Variants in NTNG2 observed in about 807,000 individuals in gnomAD.
NTNG2 encodes netrin-G2.
NTNG2 carries 15 observed loss-of-function variants against 47.6 expected under a neutral mutation model. The observed-to-expected ratio is 0.32, with a 90% CI of 0.21 to 0.49. The LOEUF is 0.49. NTNG2 is among the 20% of genes least tolerant of loss of function. The probability of loss-of-function intolerance (pLI) is 0.99; values close to 1 mark genes in which losing one functional copy is unlikely to be tolerated. For missense variants in NTNG2, 578 were observed against 764.6 expected (o/e 0.76, Z 2.88); for synonymous variants, 307 against 324.6 (o/e 0.95, Z 0.58).
chr9:132,241,955 C>G lies in NTNG2; in HGVS notation c.1437C>G (p.Arg479=), dbSNP rs1353427955. The G allele has an allele frequency of 2.6e-6, 4 of 1,548,956 alleles. No homozygotes were observed. The East Asian group carries it at 7.7e-5, about 30-fold the overall frequency. The change falls in exon 8 of 8, where the codon CGC becomes CGG. Residue 479 remains arginine, a synonymous_variant. Transcript: ENST00000393229. ...AGAACCAGCGCTGCGCCTGCCCGCG[C>G]GGCTACACCGGCGTGCGCTGCGAGC... ...CLQNQRCACP[R]GYTGVRCEQP... is the part of the protein sequence containing the mutation.
Position 132,162,571 on chromosome 9 carries a change from T to A in NTNG2, c.-484+332T>A, listed in dbSNP as rs1424752339. Among the ~76,000 whole-genome samples the A allele has an allele frequency of 1.1e-3, 46 of 43,772 alleles. No homozygotes were observed. In the East Asian group the frequency reaches 0.031, roughly 29 times the overall value. The allele number at this position is 43,772 out of a possible 152,430, so 28.7% of individuals were successfully genotyped here. ...GTGTGTGTGTGAGAGAGAGACAGAG[T>A]GTGTGTGTGTGTGTGTGTGTGTGTG... On this transcript the variant is annotated intron_variant, in intron 1 of 7. Coordinates refer to ENST00000393229, the MANE Select transcript of NTNG2 (RefSeq NM_032536.4). This position sits in a 1 kb window ranked among gnomAD's most constrained non-coding sequence, Gnocchi z 4.6.
Position 132,198,472 on chromosome 9 carries a change from C to G in NTNG2, c.720C>G (p.Ala240=). The G allele has an allele frequency of 6.2e-7, 1 of 1,610,438 alleles. No homozygotes were observed. Reference sequence around the variant, plus strand: ...ACCTCTACACGCGGCTGGAGAGCGCCAAGGGCCTCAAGGAGTTCTTCACCC... The same window carrying G: ...ACCTCTACACGCGGCTGGAGAGCGCGAAGGGCCTCAAGGAGTTCTTCACCC... The part of the protein sequence containing the change: ...MDNLYTRLES[A]KGLKEFFTLT... Residue 240 remains alanine, a synonymous_variant, in exon 3 of 8, where the codon GCC becomes GCG. Coordinates refer to ENST00000393229, the MANE Select transcript of NTNG2 (RefSeq NM_032536.4).
Position 132,163,349 on chromosome 9 carries a change from A to G in NTNG2, c.-484+1110A>G, listed in dbSNP as rs1835229406. 6.6e-6 allele frequency among the ~76,000 whole-genome samples: 1 copy of G among 150,420 alleles called. No homozygotes were observed. Among genetic ancestry groups the G allele is most frequent in the Admixed American group, 6.6e-5 (1 of 15,196 alleles). ...TGCTCGCGCCCCGCCTCCCGCGCCC[A>G]ACTTTCCAGGGCTCCCGCGGGCGGG... is the stretch of plus-strand genomic sequence containing the variant. On this transcript the variant is annotated intron_variant, in intron 1 of 7. Coordinates refer to ENST00000393229, the MANE Select transcript of NTNG2 (RefSeq NM_032536.4). This position sits in a 1 kb window ranked among gnomAD's most constrained non-coding sequence, Gnocchi z 7.2.
rs1449180415 is a variant in NTNG2 at position 132,242,419 on chromosome 9, C to T, written c.*308C>T. The T allele has an allele frequency of 6.7e-6, 1 of 149,988 alleles. No homozygotes were observed. The highest frequency in any genetic ancestry group is 2.5e-5 in the African/African-American group (1 of 39,880). The allele number at this position is 149,988 out of a possible 1,614,324, so 9.3% of individuals were successfully genotyped here. On this transcript the variant is annotated 3_prime_UTR_variant, in exon 8 of 8. Transcript: ENST00000393229. This position sits in a 1 kb window ranked among gnomAD's most constrained non-coding sequence, Gnocchi z 5.9. ...TTTTTTTTTTTTTCTGGCGGTGAGC[C>T]AGAGGGTCGGGAGAAACGCTGCTCG... is the stretch of plus-strand genomic sequence containing the variant.
rs565403545 is a variant in NTNG2 at position 132,226,270 on chromosome 9, TTGAA to T, written c.858-572_858-569del. ...AGAATAATGAGTCGCCTATAAATAT[TTGAA>T]TGAATGGATGAATAATACACCTGTG... On this transcript the variant is annotated intron_variant, in intron 3 of 7. Coordinates refer to ENST00000393229, the MANE Select transcript of NTNG2 (RefSeq NM_032536.4). The surrounding 1 kb of genome is among the most constrained non-coding windows in gnomAD (Gnocchi z 4.8). 2.5e-4 allele frequency among the ~76,000 whole-genome samples: 38 copies of T among 152,358 alleles called. 1 individual carries two copies. The South Asian group carries it at 5.0e-3, about 20-fold the overall frequency.
At chr9:132,165,744 GTC>G in intron 1 of NTNG2, among the ~76,000 whole-genome samples, 1 of 152,302 alleles carries the variant, frequency 6.6e-6, no homozygotes, top group East Asian at 1.9e-4. Flanking sequence ...GCTTTTGAAA[GTC>G]TCTGACCCCC....
At chr9:132,204,693 C>G (rs962168372) in intron 3 of NTNG2, among the ~76,000 whole-genome samples, 8 of 152,160 alleles carry the variant, frequency 5.3e-5, no homozygotes, top group Admixed American at 4.6e-4. Context: ...ATCCCGAGTC[C>G]TTTATGTGCA....
At chr9:132,240,858 G>A in intron 6 of NTNG2, 52 bp from the exon 7 acceptor site, 3 of 1,611,224 alleles carry the variant, frequency 1.9e-6, no homozygotes, top group Non-Finnish European at 2.5e-6. Flanking sequence ...GGTCCGAGAA[G>A]ACGGCGCCCA....
intron 2 of NTNG2, among the ~76,000 whole-genome samples, chr9:132,192,339 C>T (rs1238367784): frequency 6.6e-6 from 1 of 152,204 alleles, no homozygotes; most frequent in African/African-American, 2.4e-5. Context: ...GCCTGTAATC[C>T]CAGCACTTTG....
Position 132,163,578 on chromosome 9 carries a change from C to G in NTNG2, c.-484+1339C>G, listed in dbSNP as rs902761476. ...TCCCCTGAAAGCAGATTTCACCCCC[C>G]TCTGCCGCCCCTGCCGAGGAGGGAG... On this transcript the variant is annotated intron_variant, in intron 1 of 7. Transcript: ENST00000393229. The surrounding 1 kb of genome is among the most constrained non-coding windows in gnomAD (Gnocchi z 7.2). 2.6e-5 allele frequency among the ~76,000 whole-genome samples: 4 copies of G among 152,176 alleles called. No individual in the cohort carries two copies. Among genetic ancestry groups the G allele is most frequent in the Non-Finnish European group, 5.9e-5 (4 of 67,980 alleles).
chr9:132,234,779 G>A (rs1841500161), intron 5 of NTNG2, among the ~76,000 whole-genome samples: 2 of 152,238 alleles, frequency 1.3e-5, no homozygotes, highest in Non-Finnish European at 2.9e-5. Context: ...GCCAATTTGG[G>A]CCTGGCGGCC....
rs958455801 is a variant in NTNG2, at chr9:132,240,665, A to G, written c.1223-245A>G. 4 of 591,474 alleles carry G rather than the reference A, an allele frequency of 6.8e-6. No individual in the cohort carries two copies. In the Admixed American group the frequency reaches 1.2e-4, roughly 18 times the overall value. The allele number at this position is 591,474 out of a possible 1,614,324, so 36.6% of individuals were successfully genotyped here. A position where few individuals can be genotyped will look rare whatever the true frequency, so the allele number is the denominator to read the frequency against. On this transcript the variant is annotated intron_variant, in intron 6 of 7. Coordinates refer to ENST00000393229, the MANE Select transcript of NTNG2 (RefSeq NM_032536.4). ...GGCTGACCCAGGCCACACCAGTGCC[A>G]GGGCGGGGAAGGTGGGGCTGGGACG... is the stretch of plus-strand genomic sequence containing the variant.
rs370100179 is a variant in NTNG2, at chr9:132,224,715, C to G, written c.858-2134C>G. Among the ~76,000 whole-genome samples the G allele has an allele frequency of 4.6e-5, 7 of 152,296 alleles. No individual in the cohort carries two copies. The East Asian group carries it at 1.3e-3, about 29-fold the overall frequency. ...TGACAATATATCTTGGAAATCTTCC[C>G]ATATCAGAATATAGAGCACACTCTG... On this transcript the variant is annotated intron_variant, in intron 3 of 7. Coordinates refer to ENST00000393229, the MANE Select transcript of NTNG2 (RefSeq NM_032536.4).
rs56128215 is a variant in NTNG2 at position 132,166,965 on chromosome 9, G to A, written c.134G>A (p.Arg45His). The A allele has an allele frequency of 7.2e-3, 11,694 of 1,614,232 alleles. 72 individuals are homozygous for A. The highest frequency in any genetic ancestry group is 8.1e-3 in the Non-Finnish European group (9,536 of 1,180,032). ...TACGCCTGCCAGCCCAAGGTGATGC[G>A]CCTGAAGGACTACGTCAAGGTGAAG... is the stretch of plus-strand genomic sequence containing the variant. The part of the protein sequence containing the change: ...EFYACQPKVM[R>H]LKDYVKVKVE... Residue 45 changes from arginine (R) to histidine (H), a missense_variant, in exon 2 of 8, where the codon CGC (arginine) becomes CAC (histidine). By Grantham distance (29) the Arg-to-His change is conservative (BLOSUM62 0). Transcript: ENST00000393229.
At chr9:132,191,184 C>G in intron 2 of NTNG2, among the ~76,000 whole-genome samples, 1 of 152,158 alleles carries the variant, frequency 6.6e-6, no homozygotes, top group Non-Finnish European at 1.5e-5. Context: ...GTGAATGTTA[C>G]AATCATCACA....
rs1416909723 is a variant in NTNG2 at position 132,226,799 on chromosome 9, A to G, written c.858-50A>G. On this transcript the variant is annotated intron_variant, in intron 3 of 7. Coordinates refer to ENST00000393229, the MANE Select transcript of NTNG2 (RefSeq NM_032536.4). This position sits in a 1 kb window ranked among gnomAD's most constrained non-coding sequence, Gnocchi z 4.8. ...CGCTCCTTTCCCCAGAGGCCAGGCC[A>G]GGCTGCCCACAAGCTCTCTGACATC... is the stretch of plus-strand genomic sequence containing the variant. 2 of 1,484,598 alleles carry G rather than the reference A, an allele frequency of 1.3e-6. No individual in the cohort carries two copies. The highest frequency in any genetic ancestry group is 2.5e-5 in the East Asian group (1 of 39,700). The allele number at this position is 1,484,598 out of a possible 1,614,324, so 92.0% of individuals were successfully genotyped here.
chr9:132,199,534 G>A (rs941825419), intron 3 of NTNG2, among the ~76,000 whole-genome samples: 4 of 152,188 alleles, frequency 2.6e-5, no homozygotes. Flanking sequence ...CACCAGGCAG[G>A]GATGCTTACT....
In NTNG2 at chr9:132,180,887, C is replaced by A. The variant is rs1836884775; in HGVS notation, c.213+13843C>A. ...GCATGTGCACACGTGTGTGCAAACA[C>A]TGGGCTCATGCACAGGCACACACAC... On this transcript the variant is annotated intron_variant, in intron 2 of 7. Transcript: ENST00000393229. This position sits in a 1 kb window ranked among gnomAD's most constrained non-coding sequence, Gnocchi z 4.2. 6.6e-6 allele frequency among the ~76,000 whole-genome samples: 1 copy of A among 152,202 alleles called. No homozygotes were observed. Among genetic ancestry groups the A allele is most frequent in the African/African-American group, 2.4e-5 (1 of 41,458 alleles).
At chr9:132,234,206 T>C (rs1841458074) in intron 5 of NTNG2, among the ~76,000 whole-genome samples, 1 of 152,026 alleles carries the variant, frequency 6.6e-6, no homozygotes, top group South Asian at 2.1e-4. Context: ...TTTTTGTCTT[T>C]TTAGAGAGAC....
Sources: allele counts gnomAD v4.1 joint callset (sites outside exome capture counted in the v4.1 genomes callset), GRCh38; gene constraint gnomAD v4.1.1; non-coding constraint Gnocchi (gnomAD v3.1); transcripts MANE v1.5; gene names NCBI Gene and HGNC (gene_info 2026-07-23, HGNC 2026-07-21).